CREG2: variants seen among roughly 807,000 people sequenced by gnomAD.
The protein encoded by CREG2 is cellular repressor of E1A stimulated genes 2, also known as protein CREG2.
CREG2 carries 24 observed loss-of-function variants against 26.2 expected under a neutral mutation model. The observed-to-expected ratio is 0.92, with a 90% CI of 0.66 to 1.29. The LOEUF (loss-of-function observed/expected upper bound fraction) is 1.29, where lower values mean the gene tolerates loss of function less well. CREG2 is among the 50% of genes most tolerant of loss of function. The pLI, the probability that CREG2 is intolerant of heterozygous loss-of-function variation, is 0.00. For synonymous variants in CREG2, 174 were observed against 169.2 expected, an observed-to-expected ratio of 1.03 and a Z score of -0.22; for missense variants, 366 against 398.6, an observed-to-expected ratio of 0.92 and a Z score of 0.70.
chr2:101,371,923 G>T (rs757838807), intron 2 of CREG2, among the ~76,000 whole-genome samples: 2 of 152,094 alleles, frequency 1.3e-5, no homozygotes, highest in African/African-American at 2.4e-5. Context: ...TAGTCCGTAG[G>T]ACTAGAAAAC....
chr2:101,369,789 C>G (rs961260417), intron 2 of CREG2, among the ~76,000 whole-genome samples: 1 of 152,114 alleles, frequency 6.6e-6, no homozygotes, highest in Non-Finnish European at 1.5e-5. Context: ...TTTGTCCACG[C>G]GAATGCTTTA....
At chr2:101,364,760 T>TGGAA (rs1419643980) in intron 2 of CREG2, among the ~76,000 whole-genome samples, 1 of 151,712 alleles carries the variant, frequency 6.6e-6, no homozygotes, top group Non-Finnish European at 1.5e-5. Flanking sequence ...ACAGAGGAGG[T>TGGAA]GGAAGCAGGG....
intron 2 of CREG2, among the ~76,000 whole-genome samples, chr2:101,359,155 C>T (rs2104472716): frequency 6.7e-6 from 1 of 149,822 alleles, no homozygotes; most frequent in East Asian, 2.0e-4. Context: ...GTAAAGTACA[C>T]TTGGAAGAGG....
chr2:101,356,619 T>A (rs1178658961), intron 2 of CREG2, among the ~76,000 whole-genome samples: 2 of 152,100 alleles, frequency 1.3e-5, no homozygotes, highest in Non-Finnish European at 2.9e-5. Context: ...AGGTGTTGGA[T>A]GTGTGTGTAA....
rs1415355856 is a variant in CREG2, at chr2:101,387,182, G to A, written c.276C>T (p.Ala92=). 9 of 1,334,426 alleles carry A rather than the reference G, an allele frequency of 6.7e-6. No homozygotes were observed. Among genetic ancestry groups the A allele is most frequent in the Non-Finnish European group, 7.7e-6 (8 of 1,033,232 alleles). 82.7% of individuals were successfully genotyped at this position (1,334,426 alleles called of 1,614,324 possible). Residue 92 remains alanine (A), a synonymous_variant, in exon 1 of 4, where the codon GCC becomes GCT. Transcript: ENST00000324768. The surrounding 1 kb of genome is among the most constrained non-coding windows in gnomAD (Gnocchi z 4.7). ...DAHLRPRAGA[A]RARPPPAPPG... is the part of the protein sequence containing the mutation. ...GTGGCGCGGGGGGCGGCCTGGCCCG[G>A]GCGGCGCCCGCCCGGGGCCGCAGGT...
At chr2:101,361,745 G>A (rs1378922929) in intron 2 of CREG2, among the ~76,000 whole-genome samples, 1 of 152,142 alleles carries the variant, frequency 6.6e-6, no homozygotes, top group Non-Finnish European at 1.5e-5. Flanking sequence ...AAAGGAAGTT[G>A]GATGGCAGCC....
At chr2:101,375,194 C>T (rs1473536277) in intron 2 of CREG2, among the ~76,000 whole-genome samples, 3 of 152,230 alleles carry the variant, frequency 2.0e-5, no homozygotes, top group Admixed American at 6.5e-5. Context: ...TGCGCCCCTA[C>T]AAGCAAGTTG....
chr2:101,365,320 G>A (rs577473441), intron 2 of CREG2, among the ~76,000 whole-genome samples: 90 of 152,260 alleles, frequency 5.9e-4, no homozygotes, highest in Non-Finnish European at 1.1e-3. Context: ...GCTTGTCAAT[G>A]TTCCTGTTAA....
Position 101,345,741 on chromosome 2 carries a change from A to C in CREG2, c.*5182T>G, listed in dbSNP as rs1437573525. 6.6e-6 allele frequency: 1 copy of C among 152,236 alleles called. No homozygotes were observed. Among genetic ancestry groups the C allele is most frequent in the East Asian group, 1.9e-4 (1 of 5,200 alleles). The allele number at this position is 152,236 out of a possible 1,614,324, so 9.4% of individuals were successfully genotyped here. On this transcript the variant is annotated 3_prime_UTR_variant, in exon 4 of 4. Transcript: ENST00000324768. The stretch of plus-strand genomic sequence containing the variant: ...TTATAGCAATCAAATAAGCATCAAT[A>C]AATTATCCTAGAGAGGTTTTATTTT...
chr2:101,381,193 A>C (rs4850970), intron 2 of CREG2, among the ~76,000 whole-genome samples: 78,165 of 152,032 alleles, frequency 0.51, 20,557 homozygotes, highest in South Asian at 0.59. Flanking sequence ...CAGGAGGGGC[A>C]CCTTGCTGGT....
chr2:101,380,446 C>A (rs186556767), intron 2 of CREG2, among the ~76,000 whole-genome samples: 14 of 152,222 alleles, frequency 9.2e-5, no homozygotes, highest in African/African-American at 3.4e-4. Context: ...AGGAAACGGC[C>A]GCGAAGGCAC....
chr2:101,378,052 A>G (rs1047326130), intron 2 of CREG2, among the ~76,000 whole-genome samples: 5 of 152,220 alleles, frequency 3.3e-5, no homozygotes, highest in Non-Finnish European at 7.3e-5. Flanking sequence ...CCCATGCTGT[A>G]CGTTAGATCC....
intron 2 of CREG2, among the ~76,000 whole-genome samples, chr2:101,376,575 T>C (rs920351854): frequency 4.6e-5 from 7 of 152,174 alleles, no homozygotes; most frequent in Non-Finnish European, 8.8e-5. Context: ...CCACCTCACC[T>C]GGCCCAGAAT....
chr2:101,366,993 G>T (rs1435570916), intron 2 of CREG2, among the ~76,000 whole-genome samples: 1 of 152,164 alleles, frequency 6.6e-6, no homozygotes, highest in Admixed American at 6.5e-5. Flanking sequence ...TCAGGGACTT[G>T]AGCATCCACG....
chr2:101,383,578 G>C lies in CREG2; in HGVS notation c.566C>G (p.Pro189Arg), dbSNP rs1684914931. 1.2e-6 allele frequency: 2 copies of C among 1,614,012 alleles called. No individual in the cohort carries two copies. The highest frequency in any genetic ancestry group is 1.7e-6 in the Non-Finnish European group (2 of 1,180,036). ...DPVVADLMKN[P>R]MASLMLPESE... ...TTCTGGCAGCATCAGCGAGGCCATG[G>C]GGTTCTTCATCAGATCAGCCACCAC... The change falls in exon 2 of 4, where the codon CCC becomes CGC. Residue 189 changes from proline (P) to arginine (R), a missense_variant. Physicochemically the swap from Pro to Arg is moderately radical, Grantham distance 103. Coordinates refer to ENST00000324768, the MANE Select transcript of CREG2 (RefSeq NM_153836.4).
intron 2 of CREG2, among the ~76,000 whole-genome samples, chr2:101,377,117 C>A (rs932509753): frequency 2.0e-5 from 3 of 152,140 alleles, no homozygotes; most frequent in Non-Finnish European, 4.4e-5. Context: ...GATCTGTCCA[C>A]AAATATAAAA....
chr2:101,366,852 A>T (rs1403700465), intron 2 of CREG2, among the ~76,000 whole-genome samples: 3 of 152,174 alleles, frequency 2.0e-5, no homozygotes, highest in Admixed American at 6.5e-5. Context: ...TAATACAAAT[A>T]CAAAACCAAT....
intron 2 of CREG2, among the ~76,000 whole-genome samples, chr2:101,363,319 C>T (rs1297500591): frequency 6.6e-6 from 1 of 152,160 alleles, no homozygotes; most frequent in South Asian, 2.1e-4. Flanking sequence ...AGGCAGTGCT[C>T]TTGTACTCAA....
intron 2 of CREG2, chr2:101,382,977 G>C: frequency 1.0e-6 from 1 of 985,864 alleles, no homozygotes; most frequent in Non-Finnish European, 1.2e-6. Flanking sequence ...AAAGGGGCCT[G>C]CATCAATGTT....
Sources: gnomAD v4.1 joint callset for allele counts (sites outside exome capture counted in the v4.1 genomes callset) on GRCh38, gnomAD v4.1.1 for gene constraint, Gnocchi (gnomAD v3.1) non-coding constraint, MANE v1.5 for transcripts, NCBI Gene and HGNC (gene_info 2026-07-23, HGNC 2026-07-21) for gene names.